Variants in CADM1 observed in about 807,000 individuals in gnomAD.
CADM1 encodes TSLC-1.
Under a neutral mutation model 53.1 loss-of-function variants are expected in CADM1, and 15 were observed. The observed-to-expected ratio is 0.28, with a 90% CI of 0.19 to 0.44. The LOEUF (loss-of-function observed/expected upper bound fraction) is 0.44. Among genes scored for constraint, CADM1 ranks in the 20% least tolerant of loss-of-function variants. The probability of loss-of-function intolerance (pLI) is 1.00; values close to 1 mark genes in which losing one functional copy is unlikely to be tolerated. For missense variants in CADM1, 434 were observed against 611.3 expected, an observed-to-expected ratio of 0.71 and a Z score of 3.06; for synonymous variants, 281 against 243.0, an observed-to-expected ratio of 1.16 and a Z score of -1.45.
intron 1 of CADM1, among the ~76,000 whole-genome samples, chr11:115,419,358 A>G (rs1169037371): frequency 1.3e-5 from 2 of 152,118 alleles, no homozygotes; most frequent in South Asian, 2.1e-4. Flanking sequence ...TTTAGAAAAC[A>G]TTTCTTCCTT....
intron 1 of CADM1, among the ~76,000 whole-genome samples, chr11:115,284,206 T>C (rs546744295): frequency 3.3e-5 from 5 of 151,622 alleles, no homozygotes; most frequent in Non-Finnish European, 2.9e-5. Context: ...GAAGCACTTG[T>C]AGTTTGAAGA....
chr11:115,323,088 T>A (rs1393809932), intron 1 of CADM1, among the ~76,000 whole-genome samples: 2 of 152,154 alleles, frequency 1.3e-5, no homozygotes, highest in Admixed American at 1.3e-4. Flanking sequence ...CATATCCTTG[T>A]CAACACCTGT....
chr11:115,417,925 G>A (rs1028689065), intron 1 of CADM1, among the ~76,000 whole-genome samples: 2 of 152,130 alleles, frequency 1.3e-5, no homozygotes, highest in African/African-American at 2.4e-5. Context: ...CTGTAGTGAA[G>A]ATGCATTTAT....
chr11:115,227,716 G>A (rs12417740), intron 5 of CADM1, among the ~76,000 whole-genome samples: 52,572 of 152,058 alleles, frequency 0.35, 10,990 homozygotes, highest in Non-Finnish European at 0.47. Context: ...ATGAATTAAC[G>A]AGGAAACCCT....
At chr11:115,228,620 T>C (rs1434924571) in intron 5 of CADM1, among the ~76,000 whole-genome samples, 4 of 152,172 alleles carry the variant, frequency 2.6e-5, no homozygotes, top group Non-Finnish European at 5.9e-5. Flanking sequence ...ATCTAGCTTT[T>C]ATTGATGAAG....
In CADM1 at chr11:115,172,139, C is replaced by A. The variant is rs11606838; in HGVS notation, c.*4335G>T. ...AGCCAGGTAGGCTGGGCTACTCACC[C>A]GAGGTTTCACTGCTACATGGTGGGA... On this transcript the variant is annotated 3_prime_UTR_variant, in exon 12 of 12. Transcript: ENST00000331581. The A allele has an allele frequency of 0.48, 73,228 of 152,170 alleles. 18,257 individuals carry two copies. Among genetic ancestry groups the A allele is most frequent in the Non-Finnish European group, 0.55 (37,108 of 68,060 alleles). 9.4% of individuals were successfully genotyped at this position (152,170 alleles called of 1,614,324 possible). A position where few individuals can be genotyped will look rare whatever the true frequency, so the allele number is the denominator to read the frequency against.
intron 1 of CADM1, among the ~76,000 whole-genome samples, chr11:115,400,869 A>T (rs220831): frequency 0.015 from 2,304 of 151,676 alleles, 80 homozygotes; most frequent in African/African-American, 0.052. Flanking sequence ...GGTGTGGAGC[A>T]GTAGGAATGC....
intron 1 of CADM1, among the ~76,000 whole-genome samples, chr11:115,431,420 G>C (rs1486421277): frequency 6.6e-6 from 1 of 152,028 alleles, no homozygotes; most frequent in African/African-American, 2.4e-5. Context: ...CTCTTGTCCA[G>C]ACAGTAGTTC....
chr11:115,182,908 G>C (rs1297128041), intron 10 of CADM1, among the ~76,000 whole-genome samples: 1 of 152,200 alleles, frequency 6.6e-6, no homozygotes, highest in Non-Finnish European at 1.5e-5. Context: ...CTCCAGGTGA[G>C]AGTTTACCAG....
intron 1 of CADM1, among the ~76,000 whole-genome samples, chr11:115,305,900 C>CAAAAAAAAAAAAAA (rs35517673): frequency 1.2e-5 from 1 of 80,840 alleles, no homozygotes; most frequent in African/African-American, 4.6e-5. Flanking sequence ...GACTCCATCT[C>CAAAAAAAAAAAAAA]AAAAAAAAAA....
intron 1 of CADM1, among the ~76,000 whole-genome samples, chr11:115,441,447 C>A (rs1348232081): frequency 1.3e-5 from 2 of 152,180 alleles, no homozygotes; most frequent in Non-Finnish European, 2.9e-5. Flanking sequence ...ATAATGATAA[C>A]TGTAACTCCT....
intron 1 of CADM1, among the ~76,000 whole-genome samples, chr11:115,282,658 A>T (rs532647196): frequency 6.6e-6 from 1 of 152,300 alleles, no homozygotes; most frequent in African/African-American, 2.4e-5. Context: ...GTGTTGTTAG[A>T]GGAGACAGAT....
intron 1 of CADM1, among the ~76,000 whole-genome samples, chr11:115,303,180 C>T (rs1944277598): frequency 6.6e-6 from 1 of 152,020 alleles, no homozygotes; most frequent in Non-Finnish European, 1.5e-5. Flanking sequence ...TCCTGTCCTC[C>T]TTTCTAGTGT....
intron 1 of CADM1, among the ~76,000 whole-genome samples, chr11:115,468,556 A>G (rs1297346123): frequency 2.6e-5 from 4 of 152,172 alleles, no homozygotes; most frequent in Non-Finnish European, 5.9e-5. Context: ...TGTCTGTGTG[A>G]GTGCTGTGCA....
At chr11:115,500,178 T>A (rs1949700704) in intron 1 of CADM1, among the ~76,000 whole-genome samples, 2 of 152,230 alleles carry the variant, frequency 1.3e-5, no homozygotes, top group South Asian at 4.1e-4. Flanking sequence ...AGCATTTGAA[T>A]CCTTTGGATT....
chr11:115,437,398 C>A (rs143429190), intron 1 of CADM1, among the ~76,000 whole-genome samples: 1 of 152,284 alleles, frequency 6.6e-6, no homozygotes. Flanking sequence ...GAAACTAACA[C>A]CATTTAAAAT....
intron 1 of CADM1, among the ~76,000 whole-genome samples, chr11:115,305,287 G>C (rs530921479): frequency 6.6e-6 from 1 of 151,968 alleles, no homozygotes; most frequent in African/African-American, 2.4e-5. Flanking sequence ...GCCTACGGGC[G>C]CCTTCCAGCT....
At chr11:115,288,377 TG>T (rs1201995643) in intron 1 of CADM1, among the ~76,000 whole-genome samples, 1 of 152,158 alleles carries the variant, frequency 6.6e-6, no homozygotes, top group Admixed American at 6.5e-5. Context: ...TTTTGTTACT[TG>T]CAGAATTTTA....
chr11:115,301,279 A>G (rs541134538), intron 1 of CADM1, among the ~76,000 whole-genome samples: 1 of 152,088 alleles, frequency 6.6e-6, no homozygotes, highest in South Asian at 2.1e-4. Flanking sequence ...TGGCAAATGA[A>G]AAAGCCCAGC....
Sources: gnomAD v4.1 joint callset for allele counts (sites outside exome capture counted in the v4.1 genomes callset) on GRCh38, gnomAD v4.1.1 for gene constraint, MANE v1.5 for transcripts, NCBI Gene and HGNC (gene_info 2026-07-23, HGNC 2026-07-21) for gene names.